The following ABCC5 variants were observed in gnomAD, a reference collection of about 807,000 sequenced individuals.
ABCC5 encodes ATP-binding cassette sub-family C member 5.
ABCC5 carries 61 observed loss-of-function variants against 160.9 expected under a neutral mutation model. The ratio of observed to expected loss-of-function variants is 0.38; its 90% CI spans 0.31 to 0.47. ABCC5 has a LOEUF of 0.47. ABCC5 is among the 20% of genes least tolerant of loss of function. The pLI is 0.99. For missense variants in ABCC5, 1,308 were observed against 1,813.3 expected, an observed-to-expected ratio of 0.72 and a Z score of 5.06; for synonymous variants, 666 against 700.6, an observed-to-expected ratio of 0.95 and a Z score of 0.78.
intron 5 of ABCC5, chr3:183,983,693 C>G (rs778463410): frequency 2.8e-5 from 27 of 979,408 alleles, no homozygotes; most frequent in Non-Finnish European, 3.3e-5. Flanking sequence ...TGAGGTCCTG[C>G]AACGCCGGAG....
intron 17 of ABCC5, among the ~76,000 whole-genome samples, chr3:183,953,904 T>C (rs1282393744): frequency 1.3e-5 from 2 of 152,132 alleles, no homozygotes; most frequent in East Asian, 3.9e-4. Flanking sequence ...GCTTTGAATT[T>C]TGGCCCCACA....
chr3:183,967,559 G>A, intron 12 of ABCC5, 136 bp downstream of exon 12: 2 of 773,318 alleles, frequency 2.6e-6, no homozygotes, highest in South Asian at 1.5e-5. Flanking sequence ...AACTGCGGGG[G>A]ATTGGGGGCA....
intron 2 of ABCC5, chr3:184,006,382 CAA>C (rs1448315186): frequency 2.6e-5 from 4 of 151,294 alleles, no homozygotes; most frequent in African/African-American, 9.7e-5. Flanking sequence ...GAGTATCAAT[CAA>C]GAGAAAAATA....
Position 183,963,640 on chromosome 3 carries a change from G to A in ABCC5, c.2032-52C>T, listed in dbSNP as rs568056348. On this transcript the variant is annotated intron_variant, in intron 14 of 29. Coordinates refer to ENST00000334444, the MANE Select transcript of ABCC5 (RefSeq NM_005688.4). The surrounding 1 kb of genome is among the most constrained non-coding windows in gnomAD (Gnocchi z 4.6). ...GCCTCCAGCGCAAGTCCAGAACAGCGTGGAGGGGTCACCCAGTCACTTCTC... is the reference window on the plus strand; with the variant it reads ...GCCTCCAGCGCAAGTCCAGAACAGCATGGAGGGGTCACCCAGTCACTTCTC... 8.3e-6 allele frequency: 13 copies of A among 1,573,964 alleles called. No homozygotes were observed. The highest frequency in any genetic ancestry group is 2.2e-5 in the South Asian group (2 of 88,990).
At chr3:183,955,729 CAG>C (rs1278143542) in intron 17 of ABCC5, among the ~76,000 whole-genome samples, 1 of 142,532 alleles carries the variant, frequency 7.0e-6, no homozygotes, top group Non-Finnish European at 1.5e-5. Flanking sequence ...CAGTTACATG[CAG>C]ATCCATGTGT....
At chr3:183,994,428 T>C (rs1271003745) in intron 2 of ABCC5, among the ~76,000 whole-genome samples, 1 of 152,028 alleles carries the variant, frequency 6.6e-6, no homozygotes, top group African/African-American at 2.4e-5. Flanking sequence ...CAGACTGGTG[T>C]GCAGTGGTGC....
rs2108798121 is a variant in ABCC5 at position 183,952,010 on chromosome 3, G to A, written c.2668-7C>T. 1 of 1,604,598 alleles carries A rather than the reference G, an allele frequency of 6.2e-7. No homozygotes were observed. Among genetic ancestry groups the A allele is most frequent in the Non-Finnish European group, 8.5e-7 (1 of 1,172,794 alleles). ...CTCGAGTCACAGTGGTGTTCTGTTTGAAGCCAAAGTTCTATGAGGCCAGAC... is the reference window on the plus strand; with the variant it reads ...CTCGAGTCACAGTGGTGTTCTGTTTAAAGCCAAAGTTCTATGAGGCCAGAC... On this transcript the variant is annotated splice_region_variant and splice_polypyrimidine_tract_variant and intron_variant, in intron 18 of 29. Transcript: ENST00000334444.
At chr3:183,944,941 CA>C (rs1478076410) in intron 24 of ABCC5, among the ~76,000 whole-genome samples, 1 of 152,176 alleles carries the variant, frequency 6.6e-6, no homozygotes, top group African/African-American at 2.4e-5. Flanking sequence ...ATGACTGAAT[CA>C]GGGGGGTGGA....
intron 15 of ABCC5, among the ~76,000 whole-genome samples, 179 bp from the exon 16 acceptor site, chr3:183,961,833 G>T (rs547989360): frequency 2.6e-5 from 4 of 152,138 alleles, no homozygotes; most frequent in African/African-American, 7.2e-5. Context: ...ACGCTGGAGC[G>T]TGGTGGCGCA....
intron 11 of ABCC5, among the ~76,000 whole-genome samples, chr3:183,970,505 C>T (rs1717642163): frequency 6.6e-6 from 1 of 151,490 alleles, no homozygotes; most frequent in East Asian, 1.9e-4. Flanking sequence ...AGTGCAGTAG[C>T]GCGATCTCAG....
intron 20 of ABCC5, among the ~76,000 whole-genome samples, chr3:183,950,490 T>A (rs1240294137): frequency 1.3e-5 from 2 of 152,338 alleles, no homozygotes; most frequent in Non-Finnish European, 1.5e-5. Context: ...TTAAGACATT[T>A]TTTGTCTTGC....
chr3:184,002,409 A>C (rs1217181672), intron 2 of ABCC5, among the ~76,000 whole-genome samples: 5 of 151,786 alleles, frequency 3.3e-5, no homozygotes, highest in African/African-American at 1.2e-4. Context: ...AAAAAAAAAA[A>C]AAAGAGAAAA....
Position 183,982,730 on chromosome 3 carries a change from C to G in ABCC5, c.825+44G>C. On this transcript the variant is annotated intron_variant, in intron 6 of 29. Coordinates refer to ENST00000334444, the MANE Select transcript of ABCC5 (RefSeq NM_005688.4). The surrounding 1 kb of genome is among the most constrained non-coding windows in gnomAD (Gnocchi z 5.2). ...GGGCCCTAGAGGAATGAACCTCAAGCTAGGAAGTTGCTCTCTGCTGTGAAG... is the reference window on the plus strand; with the variant it reads ...GGGCCCTAGAGGAATGAACCTCAAGGTAGGAAGTTGCTCTCTGCTGTGAAG... The G allele has an allele frequency of 2.5e-6, 4 of 1,609,938 alleles. No individual in the cohort carries two copies. The highest frequency in any genetic ancestry group is 3.4e-6 in the Non-Finnish European group (4 of 1,176,518).
At chr3:183,953,293 T>C in intron 17 of ABCC5, 23 bp from the exon 18 acceptor site, 5 of 1,579,584 alleles carry the variant, frequency 3.2e-6, no homozygotes, top group Non-Finnish European at 4.3e-6. Context: ...AAAAGAAACA[T>C]GGACTCAGAA....
intron 5 of ABCC5, chr3:183,984,642 C>T: frequency 7.0e-7 from 1 of 1,433,218 alleles, no homozygotes; most frequent in Non-Finnish European, 9.1e-7. Context: ...CCAAGAACTA[C>T]TGTATTCCAC....
At chr3:183,991,943 C>G (rs889890978) in intron 2 of ABCC5, among the ~76,000 whole-genome samples, 1 of 152,176 alleles carries the variant, frequency 6.6e-6, no homozygotes, top group Non-Finnish European at 1.5e-5. Flanking sequence ...GGAATCTGTA[C>G]AGAGTAGGTA....
intron 17 of ABCC5, among the ~76,000 whole-genome samples, chr3:183,954,644 A>G (rs1715700853): frequency 6.6e-6 from 1 of 152,176 alleles, no homozygotes; most frequent in Admixed American, 6.5e-5. Context: ...GTTCAAATAT[A>G]TTCCTGAGGA....
intron 11 of ABCC5, among the ~76,000 whole-genome samples, chr3:183,970,422 A>ACTCTCTC (rs1717632368): frequency 7.0e-6 from 1 of 142,480 alleles, no homozygotes; most frequent in Admixed American, 7.2e-5. Context: ...GCCCCAGCAC[A>ACTCTCTC]CTCTCTCCTC....
At chr3:183,947,541 GA>G in intron 22 of ABCC5, 31 bp from the exon 23 acceptor site, 1 of 1,551,424 alleles carries the variant, frequency 6.4e-7, no homozygotes, top group Non-Finnish European at 8.8e-7. Context: ...AATGGGCAAA[GA>G]AAGTACTACA....
Sources: allele counts gnomAD v4.1 joint callset (sites outside exome capture counted in the v4.1 genomes callset), GRCh38; gene constraint gnomAD v4.1.1; non-coding constraint Gnocchi (gnomAD v3.1); transcripts MANE v1.5; gene names NCBI Gene and HGNC (gene_info 2026-07-23, HGNC 2026-07-21).